Variants in ASCC3 observed in about 807,000 individuals in gnomAD.
The protein encoded by ASCC3 is activating signal cointegrator 1 complex subunit 3.
A neutral mutation model predicts 256.3 loss-of-function variants in ASCC3; 158 were observed. That is an observed-to-expected ratio of 0.62 (90% CI 0.54 to 0.70). The LOEUF (loss-of-function observed/expected upper bound fraction) is 0.70, where lower values mean the gene tolerates loss of function less well. Among genes scored for constraint, ASCC3 ranks in the 30% least tolerant of loss-of-function variants. The pLI is 0.00. For missense variants in ASCC3, 2,259 were observed against 2,626.0 expected, an observed-to-expected ratio of 0.86 and a Z score of 3.05; for synonymous variants, 948 against 883.4, an observed-to-expected ratio of 1.07 and a Z score of -1.30.
chr6:100,714,063 A>G (rs1778983656), intron 13 of ASCC3, among the ~76,000 whole-genome samples: 1 of 152,218 alleles, frequency 6.6e-6, no homozygotes, highest in South Asian at 2.1e-4. Context: ...GGTAAATTAT[A>G]GCCAGCAAGC....
intron 10 of ASCC3, among the ~76,000 whole-genome samples, chr6:100,756,013 G>A (rs9322173): frequency 0.39 from 59,251 of 151,532 alleles, 12,845 homozygotes; most frequent in Middle Eastern, 0.57. Context: ...ATATCATTAG[G>A]AGATTTTTAA....
intron 30 of ASCC3, among the ~76,000 whole-genome samples, chr6:100,610,761 G>A (rs1000071964): frequency 4.6e-5 from 7 of 152,122 alleles, no homozygotes; most frequent in Admixed American, 2.6e-4. Flanking sequence ...CACAGGACAT[G>A]TAAACTGACT....
At chr6:100,732,707 T>C (rs1257578783) in intron 10 of ASCC3, among the ~76,000 whole-genome samples, 2 of 152,100 alleles carry the variant, frequency 1.3e-5, no homozygotes, top group Middle Eastern at 3.4e-3. Flanking sequence ...TGAGAAAATA[T>C]AGCAAAACAG....
intron 10 of ASCC3, among the ~76,000 whole-genome samples, chr6:100,765,119 T>C (rs1205931993): frequency 6.6e-6 from 1 of 152,134 alleles, no homozygotes; most frequent in African/African-American, 2.4e-5. Context: ...GAACAGATAC[T>C]GTCTCAAAGC....
intron 27 of ASCC3, among the ~76,000 whole-genome samples, chr6:100,628,506 T>A (rs1171593511): frequency 6.6e-6 from 1 of 152,166 alleles, no homozygotes; most frequent in African/African-American, 2.4e-5. Flanking sequence ...AGCACCATCC[T>A]CTTGGTGCTA....
In ASCC3 at chr6:100,684,240, C is replaced by T. The variant is rs59960972; in HGVS notation, c.2152-4488G>A. Among the ~76,000 whole-genome samples the T allele has an allele frequency of 2.1e-3, 314 of 152,184 alleles. 2 individuals are homozygous for T. Among genetic ancestry groups the T allele is most frequent in the African/African-American group, 7.2e-3 (300 of 41,514 alleles). ...TGTTTAATCTCTTCAATTCTTATTT[C>T]CCCCAGAACACAGATAAAGAGTTAC... is the stretch of plus-strand genomic sequence containing the variant. On this transcript the variant is annotated intron_variant, in intron 13 of 41. Transcript: ENST00000369162.
intron 3 of ASCC3, among the ~76,000 whole-genome samples, chr6:100,851,973 G>A (rs931532532): frequency 1.3e-5 from 2 of 152,122 alleles, no homozygotes; most frequent in African/African-American, 2.4e-5. Flanking sequence ...AAGAGGCACC[G>A]ACATGCTTTC....
rs748219576 is a variant in ASCC3 at position 100,767,219 on chromosome 6, T to C, written c.1522A>G (p.Ile508Val). ...TCATGCAAGACTGTCAGCATTGCAATGTTGGTTTTTCCAGCTCCTGTAGGG... is the reference window on the plus strand; with the variant it reads ...TCATGCAAGACTGTCAGCATTGCAACGTTGGTTTTTCCAGCTCCTGTAGGG... Reference protein sequence around the residue: ...CAPTGAGKTNIAMLTVLHEIR... With the variant: ...CAPTGAGKTNVAMLTVLHEIR... The change falls in exon 9 of 42, where the codon ATT (isoleucine) becomes GTT (valine). Residue 508 changes from isoleucine (I) to valine (V), a missense_variant. Physicochemically the swap from Ile to Val is conservative, Grantham distance 29 (BLOSUM62 3). Around this residue, in one of 2 missense-constraint regions of ASCC3, gnomAD observed 1,839 missense variants for 2,206.7 expected, o/e 0.83. Transcript: ENST00000369162. 6.2e-7 allele frequency: 1 copy of C among 1,614,142 alleles called. No homozygotes were observed. The highest frequency in any genetic ancestry group is 8.5e-7 in the Non-Finnish European group (1 of 1,180,012).
intron 25 of ASCC3, among the ~76,000 whole-genome samples, chr6:100,632,943 TAAAC>T (rs1442489949): frequency 6.6e-6 from 1 of 151,342 alleles, no homozygotes; most frequent in East Asian, 1.9e-4. Context: ...AAAGCAAAAA[TAAAC>T]AAATAGGTGT....
chr6:100,608,377 A>G (rs1471879805), intron 30 of ASCC3, among the ~76,000 whole-genome samples: 2 of 83,906 alleles, frequency 2.4e-5, no homozygotes, highest in African/African-American at 4.9e-5. Flanking sequence ...TACCTTATAT[A>G]TATACCTTAT....
At chr6:100,586,571 G>C (rs1370137610) in intron 36 of ASCC3, among the ~76,000 whole-genome samples, 2 of 152,074 alleles carry the variant, frequency 1.3e-5, no homozygotes, top group Admixed American at 6.5e-5. Flanking sequence ...TTTGGCTCAC[G>C]CACGGTGTGC....
chr6:100,737,878 C>T (rs773647411), intron 10 of ASCC3, among the ~76,000 whole-genome samples: 2 of 152,138 alleles, frequency 1.3e-5, no homozygotes, highest in African/African-American at 4.8e-5. Context: ...AACAATCTCA[C>T]CAGCATCTGT....
chr6:100,824,411 A>T (rs2114433773), intron 4 of ASCC3, among the ~76,000 whole-genome samples: 1 of 152,338 alleles, frequency 6.6e-6, no homozygotes, highest in African/African-American at 2.4e-5. Flanking sequence ...TCAAATGAGA[A>T]ACCAACTACT....
intron 36 of ASCC3, among the ~76,000 whole-genome samples, chr6:100,568,941 C>T (rs780194376): frequency 2.0e-5 from 3 of 151,592 alleles, no homozygotes; most frequent in Non-Finnish European, 4.4e-5. Flanking sequence ...CCATGCCCAG[C>T]TAATTTTTTT....
At chr6:100,608,174 A>ATGTATATATATG (rs1773077114) in intron 30 of ASCC3, among the ~76,000 whole-genome samples, 1 of 41,830 alleles carries the variant, frequency 2.4e-5, no homozygotes, top group Non-Finnish European at 7.1e-5. Flanking sequence ...ATACATATTT[A>ATGTATATATATG]TATATGTGTG....
chr6:100,812,977 G>T (rs986852193), intron 4 of ASCC3, among the ~76,000 whole-genome samples: 2 of 151,780 alleles, frequency 1.3e-5, no homozygotes, highest in Non-Finnish European at 2.9e-5. Context: ...TAGAAAGACA[G>T]ATAGATGAAG....
At chr6:100,872,994 A>C (rs1286988121) in intron 1 of ASCC3, among the ~76,000 whole-genome samples, 4 of 152,032 alleles carry the variant, frequency 2.6e-5, no homozygotes, top group Admixed American at 2.0e-4. Context: ...CACCCCCCCC[A>C]AAAAATCACA....
chr6:100,766,687 T>C lies in ASCC3; in HGVS notation c.1615A>G (p.Met539Val), dbSNP rs202068632. Residue 539 changes from methionine to valine, a missense_variant, in exon 10 of 42, where the codon ATG becomes GTG. Coordinates refer to ENST00000369162, the MANE Select transcript of ASCC3 (RefSeq NM_006828.4). ...GTCATTTCAGCTGCCAAGGCTTTCA[T>C]TGGAGCAACATATACAATCTATACC... ...NEFKIVYVAPMKALAAEMTDY... is the reference protein window; with the variant it reads ...NEFKIVYVAPVKALAAEMTDY... The C allele has an allele frequency of 1.0e-4, 167 of 1,613,900 alleles. No homozygotes were observed. Among genetic ancestry groups the C allele is most frequent in the Non-Finnish European group, 1.3e-4 (151 of 1,179,944 alleles).
At chr6:100,777,487 A>T (rs1174442756) in intron 8 of ASCC3, among the ~76,000 whole-genome samples, 1 of 152,130 alleles carries the variant, frequency 6.6e-6, no homozygotes, top group Non-Finnish European at 1.5e-5. Flanking sequence ...AAAAAAAATC[A>T]ACATGTTTAC....
Sources: allele counts gnomAD v4.1 joint callset (sites outside exome capture counted in the v4.1 genomes callset), GRCh38; gene constraint gnomAD v4.1.1; regional missense constraint gnomAD v4.1.1; transcripts MANE v1.5; gene names NCBI Gene and HGNC (gene_info 2026-07-23, HGNC 2026-07-21).